HECW1: variants seen among roughly 807,000 people sequenced by gnomAD.
HECW1 encodes the protein E3 ubiquitin-protein ligase HECW1.
In HECW1, 61 loss-of-function variants were observed where a neutral mutation model predicts 182.3. The ratio of observed to expected loss-of-function variants is 0.33; its 90% CI spans 0.27 to 0.41. HECW1 has a LOEUF of 0.41. HECW1 is among the 10% of genes least tolerant of loss of function. The probability of loss-of-function intolerance (pLI) is 1.00; values close to 1 mark genes in which losing one functional copy is unlikely to be tolerated. For missense variants in HECW1, 1,739 were observed against 2,108.9 expected (o/e 0.82, Z 3.44); for synonymous variants, 859 against 832.6 (o/e 1.03, Z -0.55).
intron 2 of HECW1, among the ~76,000 whole-genome samples, chr7:43,142,937 G>A (rs1490560444): frequency 1.3e-5 from 2 of 152,188 alleles, no homozygotes; most frequent in South Asian, 2.1e-4. Flanking sequence ...AGAGTGGTGG[G>A]TGCTGTGGTA....
At chr7:43,349,014 C>A (rs1235925255) in intron 5 of HECW1, among the ~76,000 whole-genome samples, 1 of 150,218 alleles carries the variant, frequency 6.7e-6, no homozygotes, top group Non-Finnish European at 1.5e-5. Context: ...TCTTTTTTTT[C>A]TTCGTTTTTG....
intron 7 of HECW1, among the ~76,000 whole-genome samples, chr7:43,401,626 G>A (rs1310423689): frequency 7.5e-6 from 1 of 134,150 alleles, no homozygotes. Flanking sequence ...GGCTGAAAAT[G>A]CATGATACGT....
At chr7:43,176,874 G>T (rs748575106) in intron 2 of HECW1, among the ~76,000 whole-genome samples, 41 of 152,150 alleles carry the variant, frequency 2.7e-4, no homozygotes, top group African/African-American at 8.7e-4. Flanking sequence ...GTTTCTAGAA[G>T]TTTGTCTAAA....
intron 6 of HECW1, among the ~76,000 whole-genome samples, chr7:43,372,727 C>G (rs2074162105): frequency 6.6e-6 from 1 of 150,920 alleles, no homozygotes. Context: ...TTAAATATTC[C>G]CTTTTCTCTC....
chr7:43,308,062 A>G (rs1380267641), intron 3 of HECW1, among the ~76,000 whole-genome samples: 1 of 110,714 alleles, frequency 9.0e-6, no homozygotes, highest in African/African-American at 3.7e-5. Context: ...AATACAACAT[A>G]TAATATATAA....
chr7:43,361,815 CTTTT>C (rs397890047), intron 6 of HECW1, among the ~76,000 whole-genome samples: 38 of 77,960 alleles, frequency 4.9e-4, no homozygotes, highest in Admixed American at 1.5e-3. Flanking sequence ...AAGACTCTCT[CTTTT>C]TTTTTTTTTT....
chr7:43,483,839 A>G (rs1311794096), intron 17 of HECW1, among the ~76,000 whole-genome samples: 1 of 151,986 alleles, frequency 6.6e-6, no homozygotes, highest in Non-Finnish European at 1.5e-5. Flanking sequence ...GTGAGCCACC[A>G]CGCCCAGCCA....
intron 19 of HECW1, among the ~76,000 whole-genome samples, chr7:43,493,516 A>G (rs1418119423): frequency 6.6e-6 from 1 of 152,174 alleles, no homozygotes; most frequent in African/African-American, 2.4e-5. Flanking sequence ...TAGTTTTGAA[A>G]TATAATTGTT....
chr7:43,292,514 G>C (rs1805520392), intron 3 of HECW1, among the ~76,000 whole-genome samples: 1 of 152,210 alleles, frequency 6.6e-6, no homozygotes, highest in Admixed American at 6.5e-5. Context: ...ATAGAAGCCA[G>C]TTGTATTTTT....
chr7:43,215,585 T>A (rs974559244), intron 2 of HECW1, among the ~76,000 whole-genome samples: 7 of 152,224 alleles, frequency 4.6e-5, no homozygotes, highest in African/African-American at 1.7e-4. Context: ...TAATACAATA[T>A]CTATCCTAGT....
At chr7:43,163,552 T>G (rs551699390) in intron 2 of HECW1, among the ~76,000 whole-genome samples, 1 of 152,302 alleles carries the variant, frequency 6.6e-6, no homozygotes, top group East Asian at 1.9e-4. Context: ...GCAGACCATA[T>G]GCCAGTTATC....
At chr7:43,278,930 T>C (rs192264380) in intron 3 of HECW1, among the ~76,000 whole-genome samples, 2 of 152,336 alleles carry the variant, frequency 1.3e-5, no homozygotes, top group East Asian at 3.9e-4. Flanking sequence ...CCCATTAGGA[T>C]TCAAGCTCTG....
intron 6 of HECW1, among the ~76,000 whole-genome samples, chr7:43,362,265 T>C (rs915737807): frequency 1.3e-5 from 2 of 152,124 alleles, no homozygotes; most frequent in Admixed American, 1.3e-4. Flanking sequence ...ATCCTGAAGA[T>C]GAGCTAATTG....
chr7:43,475,347 G>A (rs2152904009), intron 16 of HECW1, among the ~76,000 whole-genome samples: 1 of 152,110 alleles, frequency 6.6e-6, no homozygotes. Context: ...TTTGCCAGCT[G>A]GAAAGTAAAA....
chr7:43,400,065 T>C (rs1167602564), intron 7 of HECW1, among the ~76,000 whole-genome samples: 2 of 151,898 alleles, frequency 1.3e-5, no homozygotes, highest in Admixed American at 6.6e-5. Context: ...CAAGATCCCA[T>C]TGCTACAAAA....
chr7:43,477,218 TAA>T (rs2078251782), intron 16 of HECW1, among the ~76,000 whole-genome samples: 1 of 152,168 alleles, frequency 6.6e-6, no homozygotes, highest in Admixed American at 6.5e-5. Flanking sequence ...GAACTAATGG[TAA>T]CATGATAGAT....
At chr7:43,221,567 T>G (rs1477020793) in intron 2 of HECW1, among the ~76,000 whole-genome samples, 6 of 62,940 alleles carry the variant, frequency 9.5e-5, no homozygotes, top group African/African-American at 3.9e-4. Flanking sequence ...TTTTTTTTTT[T>G]TTTTTTTTTT....
At chr7:43,407,456 C>G (rs1174591735) in intron 7 of HECW1, 106 bp from the exon 8 acceptor site, 1 of 787,886 alleles carries the variant, frequency 1.3e-6, no homozygotes, top group East Asian at 2.7e-5. Flanking sequence ...CACTAGAGAT[C>G]TAGTTCATAA....
intron 5 of HECW1, among the ~76,000 whole-genome samples, chr7:43,331,254 C>G (rs1022364169): frequency 2.6e-5 from 4 of 151,658 alleles, no homozygotes; most frequent in South Asian, 4.2e-4. Flanking sequence ...TCTGTCCTTG[C>G]GATAGTTTGC....
Sources: gnomAD v4.1 joint callset for allele counts (sites outside exome capture counted in the v4.1 genomes callset) on GRCh38, gnomAD v4.1.1 for gene constraint, MANE v1.5 for transcripts, NCBI Gene and HGNC (gene_info 2026-07-23, HGNC 2026-07-21) for gene names.